The following PFKM variants were observed in gnomAD, a reference collection of about 807,000 sequenced individuals.
PFKM encodes the protein ATP-dependent 6-phosphofructokinase, muscle type.
PFKM carries 58 observed loss-of-function variants against 95.5 expected under a neutral mutation model. The ratio of observed to expected loss-of-function variants is 0.61; its 90% CI spans 0.49 to 0.76. The LOEUF is 0.76. Ranked by LOEUF, PFKM falls within the 30% of genes least tolerant of loss-of-function variation. The pLI, the probability that PFKM is intolerant of heterozygous loss-of-function variation, is 0.00. For synonymous variants in PFKM, 336 were observed against 357.2 expected, an observed-to-expected ratio of 0.94 and a Z score of 0.67; for missense variants, 678 against 1,005.4, an observed-to-expected ratio of 0.67 and a Z score of 4.40.
At chr12:48,106,889 C>T (rs1023595209) in intron 1 of PFKM, among the ~76,000 whole-genome samples, 27 of 152,160 alleles carry the variant, frequency 1.8e-4, no homozygotes, top group African/African-American at 6.3e-4. Context: ...CACCTGTGAC[C>T]TTTGAAGGGC....
intron 7 of PFKM, 99 bp from the exon 8 acceptor site, chr12:48,134,622 C>T: frequency 2.2e-6 from 2 of 927,944 alleles, no homozygotes; most frequent in Admixed American, 1.9e-5. Context: ...GCTCTCCAGA[C>T]CTTTTATCAA....
chr12:48,105,962 G>A (rs763348975), exon 1 of PFKM: 2 of 697,208 alleles, frequency 2.9e-6, no homozygotes, highest in South Asian at 1.5e-5. Flanking sequence ...GACCGGGTCC[G>A]ACACAGTCTC....
chr12:48,142,837 T>C lies in PFKM; in HGVS notation c.1709T>C (p.Ile570Thr). The change falls in exon 18 of 23, where the codon ATT becomes ACT. Residue 570 changes from isoleucine to threonine, a missense_variant. Ile to Thr is a moderately conservative substitution (Grantham distance 89). Coordinates refer to ENST00000359794, the MANE Select transcript of PFKM (RefSeq NM_000289.6). Reference sequence around the variant, plus strand: ...GGCACCAAGCGTCGGGTGTTTATCATTGAGACTATGGGTGGCTACTGTGGC... The same window carrying C: ...GGCACCAAGCGTCGGGTGTTTATCACTGAGACTATGGGTGGCTACTGTGGC... ...AAGTKRRVFI[I>T]ETMGGYCGYL... 9 of 1,614,128 alleles carry C rather than the reference T, an allele frequency of 5.6e-6. No homozygotes were observed. The highest frequency in any genetic ancestry group is 7.6e-6 in the Non-Finnish European group (9 of 1,179,988).
Position 48,134,938 on chromosome 12 carries a change from A to AGAGT in PFKM, c.748-5_748-4insGAGT. 1.2e-6 allele frequency: 2 copies of AGAGT among 1,613,292 alleles called. No homozygotes were observed. The highest frequency in any genetic ancestry group is 1.7e-6 in the Non-Finnish European group (2 of 1,179,288). On this transcript the variant is annotated splice_region_variant and splice_polypyrimidine_tract_variant and intron_variant, in intron 8 of 22. Transcript: ENST00000359794. ...TGGACCATTTTACCCTTTGTTCTCA[A>AGAGT]CCAGACAAGGACCCGTGGTTCTCGT...
At chr12:48,111,472 ATATT>A (rs1194119271) in intron 3 of PFKM, among the ~76,000 whole-genome samples, 1 of 152,246 alleles carries the variant, frequency 6.6e-6, no homozygotes, top group Non-Finnish European at 1.5e-5. Flanking sequence ...TATGGAAGGC[ATATT>A]TAGAGTCAGT....
At position 48,113,372 on chromosome 12, in the gene PFKM, G is replaced by A. The variant is rs146504956; in HGVS notation, c.205+5178G>A. Among the ~76,000 whole-genome samples, 182 of 152,336 alleles carry A rather than the reference G, an allele frequency of 1.2e-3. 3 individuals are homozygous for A. In the East Asian group the frequency reaches 0.032, roughly 27 times the overall value. On this transcript the variant is annotated intron_variant, in intron 3 of 24. Transcript: ENST00000340802. ...CTGTGATGGTCCAGGAGGCTTCCGA[G>A]GCGACTGGGCAGCGTCAGTCTTCAG...
At chr12:48,135,881 C>CATTATTATT (rs538555965) in intron 10 of PFKM, among the ~76,000 whole-genome samples, 1 of 151,630 alleles carries the variant, frequency 6.6e-6, no homozygotes, top group East Asian at 1.9e-4. Flanking sequence ...CATCCCTCCT[C>CATTATTATT]ATTATTATTA....
rs748755500 is a variant in PFKM at position 48,144,073 on chromosome 12, C to T, written c.1908C>T (p.Thr636=). 5.0e-6 allele frequency: 8 copies of T among 1,613,514 alleles called. No homozygotes were observed. The highest frequency in any genetic ancestry group is 4.4e-5 in the South Asian group (4 of 91,072). ...ATGAAAAGTGCAATGAGAACTATAC[C>T]ACTGACTTCATTTTCAACCTGTACT... ...LRNEKCNENY[T]TDFIFNLYSE... is the part of the protein sequence containing the mutation. Residue 636 remains threonine, a synonymous_variant, in exon 20 of 23, where the codon ACC becomes ACT. Transcript: ENST00000359794.
At chr12:48,128,907 T>G (rs991263496) in intron 2 of PFKM, among the ~76,000 whole-genome samples, 4 of 152,222 alleles carry the variant, frequency 2.6e-5, no homozygotes, top group African/African-American at 9.6e-5. Context: ...TAAGATTCCC[T>G]GTGCATCACC....
chr12:48,133,078 G>A lies in PFKM; in HGVS notation c.427+21G>A, dbSNP rs763125210. On this transcript the variant is annotated intron_variant, in intron 5 of 22. Transcript: ENST00000359794. ...AGCAGGTAAGAGAGTTTTCACATCAGTATTGCTTATTTGTGTCGGTACGTG... is the reference window on the plus strand; with the variant it reads ...AGCAGGTAAGAGAGTTTTCACATCAATATTGCTTATTTGTGTCGGTACGTG... The A allele has an allele frequency of 5.6e-6, 9 of 1,608,294 alleles. No individual in the cohort carries two copies. In the Admixed American group the frequency reaches 1.5e-4, roughly 27 times the overall value.
At chr12:48,131,638 C>T (rs1343197843) in intron 4 of PFKM, 1 of 544,134 alleles carries the variant, frequency 1.8e-6, no homozygotes, top group Admixed American at 2.9e-5. Context: ...AGGTCATAAA[C>T]AAGACTATGG....
At position 48,110,902 on chromosome 12, in the gene PFKM, G is replaced by A. The variant is rs73302806; in HGVS notation, c.205+2708G>A. Among the ~76,000 whole-genome samples the A allele has an allele frequency of 1.2e-3, 178 of 152,304 alleles. 1 individual carries two copies. Among genetic ancestry groups the A allele is most frequent in the African/African-American group, 3.6e-3 (150 of 41,560 alleles). On this transcript the variant is annotated intron_variant, in intron 3 of 24. Transcript: ENST00000340802. ...CCACTTGATCCTACACTGGGGCATA[G>A]CAAGGGTGTGAGTCATCTAGGCTGT...
chr12:48,140,137 A>G (rs1013994244), intron 13 of PFKM, among the ~76,000 whole-genome samples: 3 of 152,210 alleles, frequency 2.0e-5, no homozygotes, highest in Admixed American at 2.0e-4. Flanking sequence ...CACAAGACCC[A>G]TGCCCACTTC....
intron 17 of PFKM, 146 bp from the exon 18 acceptor site, chr12:48,142,636 T>C (rs979599701): frequency 5.0e-6 from 4 of 797,170 alleles, no homozygotes; most frequent in African/African-American, 3.4e-5. Flanking sequence ...CCTGTTACCC[T>C]AAATGCAAGA....
intron 3 of PFKM, among the ~76,000 whole-genome samples, chr12:48,111,220 T>C (rs11168411): frequency 0.083 from 12,574 of 152,258 alleles, 696 homozygotes; most frequent in Non-Finnish European, 0.12. Flanking sequence ...GCTTCACCCA[T>C]TTGCTCCTTG....
chr12:48,130,593 A>G (rs939400699), intron 3 of PFKM, among the ~76,000 whole-genome samples, 157 bp downstream of exon 3: 2 of 151,980 alleles, frequency 1.3e-5, no homozygotes, highest in Non-Finnish European at 2.9e-5. Flanking sequence ...ACTCTTTCCT[A>G]CTTGACTCCA....
At chr12:48,115,063 G>A (rs908932741), upstream of PFKM, among the ~76,000 whole-genome samples, 6 of 152,186 alleles carry the variant, frequency 3.9e-5, no homozygotes, top group Admixed American at 1.3e-4. Flanking sequence ...GCTGCAATGT[G>A]GGTGAGCAGC....
At chr12:48,121,695 G>T (rs1236875444) in intron 1 of PFKM, among the ~76,000 whole-genome samples, 1 of 152,162 alleles carries the variant, frequency 6.6e-6, no homozygotes. Context: ...GTCTAATAGA[G>T]TGAAGAAAGG....
In PFKM at chr12:48,134,799, G is replaced by A. The variant is rs1348734621; in HGVS notation, c.717G>A (p.Trp239Ter). The A allele has an allele frequency of 6.2e-7, 1 of 1,613,924 alleles. No individual in the cohort carries two copies. Among genetic ancestry groups the A allele is most frequent in the African/African-American group, 1.3e-5 (1 of 74,884 alleles). Residue 239 changes from tryptophan to a stop codon, truncating the protein, a stop_gained, in exon 8 of 23, where the codon TGG (tryptophan) becomes TGA (stop). Coordinates refer to ENST00000359794, the MANE Select transcript of PFKM (RefSeq NM_000289.6). LOFTEE classifies it high-confidence loss of function. The part of the protein sequence containing the change: ...FIPECPPDDD[W>*]EEHLCRRLSE... ...CTGAATGTCCACCAGATGACGACTG[G>A]GAGGAACACCTTTGTCGCCGACTCA...
Sources: allele counts gnomAD v4.1 joint callset (sites outside exome capture counted in the v4.1 genomes callset), GRCh38; gene constraint gnomAD v4.1.1; transcripts MANE v1.5; gene names NCBI Gene and HGNC (gene_info 2026-07-23, HGNC 2026-07-21).